Variants in NEGR1 observed in about 807,000 individuals in gnomAD.
The protein encoded by NEGR1 is neuronal growth regulator 1.
Under a neutral mutation model 40.9 loss-of-function variants are expected in NEGR1, and 10 were observed. That is an observed-to-expected ratio of 0.24 (90% CI 0.15 to 0.42). NEGR1 has a LOEUF of 0.42. Among genes scored for constraint, NEGR1 ranks in the 10% least tolerant of loss-of-function variants. The pLI is 1.00. For missense variants in NEGR1, 352 were observed against 438.9 expected, an observed-to-expected ratio of 0.80 and a Z score of 1.77; for synonymous variants, 185 against 166.8, an observed-to-expected ratio of 1.11 and a Z score of -0.84.
At chr1:71,412,745 A>G (rs1646331634) in intron 6 of NEGR1, among the ~76,000 whole-genome samples, 1 of 152,206 alleles carries the variant, frequency 6.6e-6, no homozygotes, top group Non-Finnish European at 1.5e-5. Context: ...AAGAGAAGAA[A>G]AGTTTAAATT....
intron 1 of NEGR1, among the ~76,000 whole-genome samples, chr1:72,153,830 G>A (rs957999460): frequency 1.3e-5 from 2 of 152,016 alleles, no homozygotes; most frequent in Admixed American, 1.3e-4. Context: ...CTAACTCACG[G>A]TAGCATGGAA....
chr1:71,414,605 C>G (rs952857154), intron 6 of NEGR1, among the ~76,000 whole-genome samples: 1 of 152,146 alleles, frequency 6.6e-6, no homozygotes, highest in Admixed American at 6.5e-5. Context: ...ATAGATACAG[C>G]ACAGACATGC....
At chr1:71,768,684 A>G (rs997856290) in intron 3 of NEGR1, among the ~76,000 whole-genome samples, 2 of 152,172 alleles carry the variant, frequency 1.3e-5, no homozygotes, top group Non-Finnish European at 2.9e-5. Flanking sequence ...TGAGTAGGAC[A>G]TGAGATTTTT....
chr1:71,925,873 A>G (rs548373517), intron 2 of NEGR1, among the ~76,000 whole-genome samples: 1 of 152,322 alleles, frequency 6.6e-6, no homozygotes, highest in Non-Finnish European at 1.5e-5. Context: ...TTTTATTTAT[A>G]GAGAGATTTT....
At chr1:71,984,283 CT>C (rs557837157) in intron 1 of NEGR1, among the ~76,000 whole-genome samples, 1 of 118,324 alleles carries the variant, frequency 8.5e-6, no homozygotes, top group Non-Finnish European at 2.0e-5. Flanking sequence ...GTTAAAATAA[CT>C]TTTTTTTAAT....
chr1:71,675,126 TACAC>T (rs1553157759), intron 4 of NEGR1, among the ~76,000 whole-genome samples: 1 of 77,794 alleles, frequency 1.3e-5, no homozygotes. Flanking sequence ...TATATATATA[TACAC>T]ACACACATAT....
intron 2 of NEGR1, among the ~76,000 whole-genome samples, chr1:71,859,181 T>A (rs748000400): frequency 3.9e-5 from 6 of 152,058 alleles, no homozygotes; most frequent in Admixed American, 1.3e-4. Context: ...TTCTTTGACC[T>A]CCTACTTCTC....
chr1:71,620,355 G>T (rs1404517761), intron 4 of NEGR1, among the ~76,000 whole-genome samples: 1 of 151,948 alleles, frequency 6.6e-6, no homozygotes, highest in African/African-American at 2.4e-5. Context: ...CTACATTAAG[G>T]CAGCCTTAGT....
chr1:71,873,619 A>T (rs1457305857), intron 2 of NEGR1, among the ~76,000 whole-genome samples: 1 of 152,198 alleles, frequency 6.6e-6, no homozygotes, highest in Non-Finnish European at 1.5e-5. Context: ...ATATGCTAGA[A>T]TATTCACACT....
At chr1:71,508,739 G>A (rs1222261335) in intron 6 of NEGR1, among the ~76,000 whole-genome samples, 1 of 152,166 alleles carries the variant, frequency 6.6e-6, no homozygotes, top group Non-Finnish European at 1.5e-5. Context: ...CAGTAAACAC[G>A]GGGTGGGTAA....
chr1:71,775,800 T>C (rs1656483532), intron 3 of NEGR1, among the ~76,000 whole-genome samples: 1 of 151,884 alleles, frequency 6.6e-6, no homozygotes, highest in South Asian at 2.1e-4. Flanking sequence ...GAGGCCAACC[T>C]GGCCAACATG....
At chr1:72,057,120 T>G (rs780300386) in intron 1 of NEGR1, among the ~76,000 whole-genome samples, 60 of 151,574 alleles carry the variant, frequency 4.0e-4, no homozygotes, top group Non-Finnish European at 8.1e-4. Flanking sequence ...GTTCTCCAAG[T>G]GCCTGGCATT....
intron 1 of NEGR1, among the ~76,000 whole-genome samples, chr1:72,225,424 T>C (rs1654160627): frequency 6.6e-6 from 1 of 151,760 alleles, no homozygotes; most frequent in Admixed American, 6.6e-5. Flanking sequence ...GAGTTTTGTA[T>C]TATAAAATAT....
intron 3 of NEGR1, among the ~76,000 whole-genome samples, chr1:71,726,250 C>T (rs1397158191): frequency 2.0e-5 from 3 of 151,600 alleles, no homozygotes; most frequent in Non-Finnish European, 4.4e-5. Flanking sequence ...TTTTTTTATC[C>T]CCACCCAGTT....
intron 2 of NEGR1, among the ~76,000 whole-genome samples, chr1:71,908,713 C>A (rs1661345479): frequency 6.6e-6 from 1 of 152,138 alleles, no homozygotes; most frequent in Non-Finnish European, 1.5e-5. Flanking sequence ...ATTGCTAAAT[C>A]CTCTTCAATG....
chr1:72,081,631 C>CCAGCACT (rs1226416472), intron 1 of NEGR1, among the ~76,000 whole-genome samples: 3 of 151,892 alleles, frequency 2.0e-5, no homozygotes, highest in African/African-American at 7.2e-5. Flanking sequence ...AGCACAGTGC[C>CCAGCACT]CAGCACTCAA....
At chr1:71,920,738 G>A (rs947709343) in intron 2 of NEGR1, among the ~76,000 whole-genome samples, 1 of 152,174 alleles carries the variant, frequency 6.6e-6, no homozygotes, top group Non-Finnish European at 1.5e-5. Flanking sequence ...TTACTGAAGA[G>A]GCACAAATTG....
chr1:71,546,771 T>A (rs573312888), intron 6 of NEGR1, among the ~76,000 whole-genome samples: 1 of 151,634 alleles, frequency 6.6e-6, no homozygotes, highest in African/African-American at 2.4e-5. Context: ...CAGTGATTCT[T>A]ATAAAGTATT....
intron 1 of NEGR1, among the ~76,000 whole-genome samples, chr1:72,078,801 A>G (rs1349104226): frequency 1.3e-5 from 2 of 150,454 alleles, no homozygotes. Context: ...CACCCTTCCC[A>G]GCTAATTTTT....
Sources: allele counts gnomAD v4.1 joint callset (sites outside exome capture counted in the v4.1 genomes callset), GRCh38; gene constraint gnomAD v4.1.1; transcripts MANE v1.5; gene names NCBI Gene and HGNC (gene_info 2026-07-23, HGNC 2026-07-21).